DOCK5: variants seen among roughly 807,000 people sequenced by gnomAD.
The protein encoded by DOCK5 is dedicator of cytokinesis 5, also known as dedicator of cytokinesis protein 5.
In DOCK5, 142 loss-of-function variants were observed where a neutral mutation model predicts 251.8. That is an observed-to-expected ratio of 0.56 (90% CI 0.49 to 0.65). The LOEUF (loss-of-function observed/expected upper bound fraction) is 0.65. DOCK5 is among the 30% of genes least tolerant of loss of function. DOCK5 has a pLI of 0.00. For missense variants in DOCK5, 2,111 were observed against 2,312.3 expected, an observed-to-expected ratio of 0.91 and a Z score of 1.79; for synonymous variants, 842 against 835.5, an observed-to-expected ratio of 1.01 and a Z score of -0.13.
intron 27 of DOCK5, among the ~76,000 whole-genome samples, chr8:25,352,469 G>T (rs567508124): frequency 6.6e-6 from 1 of 152,132 alleles, no homozygotes; most frequent in South Asian, 2.1e-4. Context: ...AACAGATGCC[G>T]GGTAACAACT....
chr8:25,375,977 A>T (rs1210619095), intron 37 of DOCK5: 1 of 734,210 alleles, frequency 1.4e-6, no homozygotes, highest in Non-Finnish European at 1.7e-6. Context: ...ACCTGCCTGT[A>T]GTCCCAGCTA....
intron 25 of DOCK5, among the ~76,000 whole-genome samples, chr8:25,343,573 A>G (rs539393785): frequency 1.4e-4 from 22 of 152,360 alleles, no homozygotes; most frequent in African/African-American, 5.3e-4. Context: ...ACAAGCAAGT[A>G]GGAAAAGATG....
At chr8:25,395,985 C>A (rs1372680492) in intron 45 of DOCK5, 8 of 523,032 alleles carry the variant, frequency 1.5e-5, no homozygotes, top group Admixed American at 6.1e-5. Context: ...TATTCTGTCT[C>A]CCCTGAGGGT....
intron 47 of DOCK5, among the ~76,000 whole-genome samples, chr8:25,401,680 G>A (rs1211182955): frequency 1.3e-5 from 2 of 151,282 alleles, no homozygotes; most frequent in Admixed American, 6.6e-5. Flanking sequence ...GTTTCATTGA[G>A]CCGAGATCAC....
chr8:25,332,816 A>G (rs1563205014), intron 20 of DOCK5, 124 bp downstream of exon 20: 4 of 724,564 alleles, frequency 5.5e-6, no homozygotes, highest in Non-Finnish European at 6.4e-6. Context: ...CTCTCTGGTT[A>G]TTGTTTTAGG....
intron 2 of DOCK5, among the ~76,000 whole-genome samples, chr8:25,247,584 G>T (rs560025909): frequency 4.6e-5 from 7 of 151,998 alleles, no homozygotes; most frequent in African/African-American, 1.7e-4. Flanking sequence ...AACAGAGTGA[G>T]TCCCTGTCTC....
At chr8:25,363,599 C>T (rs1486370042) in intron 29 of DOCK5, among the ~76,000 whole-genome samples, 8 of 152,150 alleles carry the variant, frequency 5.3e-5, no homozygotes, top group Non-Finnish European at 8.8e-5. Context: ...TTAAAAATAT[C>T]CATGGTTATT....
intron 1 of DOCK5, among the ~76,000 whole-genome samples, chr8:25,235,296 C>G (rs1802766697): frequency 6.6e-6 from 1 of 152,174 alleles, no homozygotes; most frequent in Non-Finnish European, 1.5e-5. Flanking sequence ...GTGGTACAAT[C>G]TCAGCTCACT....
chr8:25,390,375 G>A (rs1801236525), intron 42 of DOCK5, 88 bp downstream of exon 42: 1 of 1,216,864 alleles, frequency 8.2e-7, no homozygotes, highest in Non-Finnish European at 1.1e-6. Context: ...CCGAAGCTGA[G>A]GGAGGAGTAT....
At position 25,332,707 on chromosome 8, in the gene DOCK5, A is replaced by T. The variant is rs1029780617; in HGVS notation, c.2091+15A>T. The T allele has an allele frequency of 1.3e-6, 2 of 1,585,318 alleles. No homozygotes were observed. The highest frequency in any genetic ancestry group is 1.3e-5 in the African/African-American group (1 of 74,094). ...TTGACGCACTGGTAAGCAGTTAAAC[A>T]TATTAACTAGTGTTTATTGTTGCAA... On this transcript the variant is annotated intron_variant, in intron 20 of 51. Transcript: ENST00000276440.
intron 14 of DOCK5, among the ~76,000 whole-genome samples, chr8:25,318,931 C>A (rs764166298): frequency 1.3e-5 from 2 of 152,146 alleles, no homozygotes; most frequent in Non-Finnish European, 2.9e-5. Context: ...TAAGGCAAGT[C>A]GTATTCTGCA....
intron 7 of DOCK5, among the ~76,000 whole-genome samples, chr8:25,297,382 C>T (rs1023819578): frequency 3.9e-5 from 6 of 152,040 alleles, no homozygotes; most frequent in Non-Finnish European, 5.9e-5. Flanking sequence ...CTCAGCCTTC[C>T]GAGTAGCTGG....
At position 25,209,313 on chromosome 8, in the gene DOCK5, A is replaced by G. The variant is rs1479844416; in HGVS notation, c.43+24362A>G. On this transcript the variant is annotated intron_variant, in intron 1 of 51. Transcript: ENST00000276440. ...CACACAATGAGGTCGCTACTCTGGG[A>G]GCCCAGTGGTCCAGGATGCCAGTCT... is the stretch of plus-strand genomic sequence containing the variant. Among the ~76,000 whole-genome samples, 2 of 70,892 alleles carry G rather than the reference A, an allele frequency of 2.8e-5. 1 individual carries two copies. Among genetic ancestry groups the G allele is most frequent in the Admixed American group, 3.1e-4 (2 of 6,402 alleles). 46.5% of individuals were successfully genotyped at this position (70,892 alleles called of 152,430 possible). A position where few individuals can be genotyped will look rare whatever the true frequency, so the allele number is the denominator to read the frequency against.
At chr8:25,239,842 T>A (rs1411015413) in intron 1 of DOCK5, among the ~76,000 whole-genome samples, 2 of 152,142 alleles carry the variant, frequency 1.3e-5, no homozygotes, top group Non-Finnish European at 2.9e-5. Context: ...AATTCCAACA[T>A]ACTTTGTCCA....
chr8:25,408,202 T>C (rs1483445100), intron 49 of DOCK5, 48 bp downstream of exon 49: 36 of 1,525,968 alleles, frequency 2.4e-5, no homozygotes, highest in Non-Finnish European at 3.2e-5. Flanking sequence ...CTTGCCCCCC[T>C]CTCCCCTGTA....
intron 27 of DOCK5, among the ~76,000 whole-genome samples, chr8:25,352,273 G>A (rs71504438): frequency 0.043 from 5,913 of 136,440 alleles, 186 homozygotes; most frequent in South Asian, 0.1. Flanking sequence ...GGGAGGGAGG[G>A]AGGAAGGAAG....
chr8:25,283,220 T>G (rs1804247074), intron 5 of DOCK5, among the ~76,000 whole-genome samples: 1 of 152,192 alleles, frequency 6.6e-6, no homozygotes, highest in Non-Finnish European at 1.5e-5. Context: ...CCGTGGTCTC[T>G]CTGTTCCTTA....
At chr8:25,245,899 T>C (rs138492315) in intron 2 of DOCK5, among the ~76,000 whole-genome samples, 76 of 152,286 alleles carry the variant, frequency 5.0e-4, no homozygotes, top group African/African-American at 1.8e-3. Context: ...AGGTTTGCTA[T>C]ATGCTAACTT....
chr8:25,186,252 C>T (rs1386873046), intron 1 of DOCK5, among the ~76,000 whole-genome samples: 1 of 150,932 alleles, frequency 6.6e-6, no homozygotes, highest in Non-Finnish European at 1.5e-5. Flanking sequence ...ATTCAAAAGA[C>T]ATTTTCTTTT....
Sources: gnomAD v4.1 joint callset for allele counts (sites outside exome capture counted in the v4.1 genomes callset) on GRCh38, gnomAD v4.1.1 for gene constraint, MANE v1.5 for transcripts, NCBI Gene and HGNC (gene_info 2026-07-23, HGNC 2026-07-21) for gene names.